TESC: variants seen among roughly 807,000 people sequenced by gnomAD.
TESC encodes tescalcin.
TESC carries 19 observed loss-of-function variants against 31.0 expected under a neutral mutation model. The ratio of observed to expected loss-of-function variants is 0.61; its 90% CI spans 0.43 to 0.90. The LOEUF (loss-of-function observed/expected upper bound fraction) is 0.90. Ranked by LOEUF, TESC falls within the 40% of genes least tolerant of loss-of-function variation. The pLI is 0.00. For synonymous variants in TESC, 109 were observed against 114.8 expected (o/e 0.95, Z 0.32); for missense variants, 248 against 303.8 (o/e 0.82, Z 1.36).
chr12:117,095,030 A>AAG (rs1555233986), intron 1 of TESC, among the ~76,000 whole-genome samples: 41 of 139,810 alleles, frequency 2.9e-4, no homozygotes, highest in South Asian at 2.0e-3. Flanking sequence ...AAAAAAAAAA[A>AAG]AGAGAGAGAG....
chr12:117,072,363 G>C (rs1004830666), intron 2 of TESC, among the ~76,000 whole-genome samples: 1 of 152,108 alleles, frequency 6.6e-6, no homozygotes, highest in Non-Finnish European at 1.5e-5. Flanking sequence ...GATTATAGTC[G>C]TGAGTCACAG....
Position 117,075,893 on chromosome 12 carries a change from A to G in TESC, c.59-553T>C, listed in dbSNP as rs796726735. On this transcript the variant is annotated intron_variant, in intron 1 of 7. Coordinates refer to ENST00000335209, the MANE Select transcript of TESC (RefSeq NM_017899.4). Reference sequence around the variant, plus strand: ...TATGTGTGTATATATATATATATATATATATATATATATATATATATGTGT... The same window carrying G: ...TATGTGTGTATATATATATATATATGTATATATATATATATATATATGTGT... Among the ~76,000 whole-genome samples, 632 of 82,122 alleles carry G rather than the reference A, an allele frequency of 7.7e-3. 25 individuals carry two copies. The highest frequency in any genetic ancestry group is 0.025 in the South Asian group (67 of 2,710). The allele number at this position is 82,122 out of a possible 152,430, so 53.9% of individuals were successfully genotyped here. A position where few individuals can be genotyped will look rare whatever the true frequency, so the allele number is the denominator to read the frequency against.
chr12:117,063,954 T>C (rs1387382065), intron 2 of TESC, among the ~76,000 whole-genome samples: 1 of 152,206 alleles, frequency 6.6e-6, no homozygotes, highest in Non-Finnish European at 1.5e-5. Context: ...ACTCCAGACC[T>C]ACTGAATCAA....
Position 117,099,352 on chromosome 12 carries a change from G to A in TESC, c.-70C>T, listed in dbSNP as rs1023208156. 79 of 1,334,146 alleles carry A rather than the reference G, an allele frequency of 5.9e-5. 1 individual carries two copies. In the East Asian group the frequency reaches 2.2e-3, roughly 38 times the overall value. 82.6% of individuals were successfully genotyped at this position (1,334,146 alleles called of 1,614,324 possible). ...CCGCACTGGCTTCGGCTGCGCAGCG[G>A]CGGGACTGGCCTCGGGTCCGGCCTC... On this transcript the variant is annotated 5_prime_UTR_variant, in exon 1 of 8. Coordinates refer to ENST00000335209, the MANE Select transcript of TESC (RefSeq NM_017899.4).
intron 2 of TESC, 136 bp from the exon 3 acceptor site, chr12:117,057,022 C>G: frequency 1.2e-6 from 1 of 806,018 alleles, no homozygotes; most frequent in East Asian, 2.6e-5. Flanking sequence ...AGTTAGGAGA[C>G]AGAACTGGAA....
intron 2 of TESC, among the ~76,000 whole-genome samples, chr12:117,071,766 G>A (rs868076680): frequency 6.6e-6 from 1 of 152,164 alleles, no homozygotes; most frequent in African/African-American, 2.4e-5. Context: ...GCCTGGGCAG[G>A]TGAGGCCTGG....
intron 7 of TESC, among the ~76,000 whole-genome samples, chr12:117,041,490 G>A (rs1056891050): frequency 2.0e-5 from 3 of 152,024 alleles, no homozygotes; most frequent in African/African-American, 7.2e-5. Context: ...CTGCCACCAC[G>A]CTTGGCTAAG....
intron 1 of TESC, chr12:117,084,007 T>C (rs1955183084): frequency 6.7e-6 from 1 of 150,232 alleles, no homozygotes; most frequent in Non-Finnish European, 1.5e-5. Context: ...CGCAGGAGAA[T>C]CGTTTGAACC....
rs1331233106 is a variant in TESC at position 117,041,956 on chromosome 12, G to A, written c.558C>T (p.Asp186=). ...DQVYEGITFE[D]FLKIWQGIDI... is the part of the protein sequence containing the mutation. ...CGCCCAGGCCACCCACCTTCAGGAA[G>A]TCCTCGAAGGTGATCCCCTCGTACA... The change falls in exon 7 of 8, where the codon GAC becomes GAT. Residue 186 remains aspartate (D), a synonymous_variant. Transcript: ENST00000335209. 6.3e-7 allele frequency: 1 copy of A among 1,590,812 alleles called. No homozygotes were observed. Among genetic ancestry groups the A allele is most frequent in the Non-Finnish European group, 8.6e-7 (1 of 1,168,164 alleles).
chr12:117,077,428 T>C lies in TESC; in HGVS notation c.59-2088A>G, dbSNP rs542283728. 8.5e-5 allele frequency among the ~76,000 whole-genome samples: 13 copies of C among 152,362 alleles called. No individual in the cohort carries two copies. In the South Asian group the frequency reaches 1.9e-3, roughly 22 times the overall value. On this transcript the variant is annotated intron_variant, in intron 1 of 7. Transcript: ENST00000335209. ...CCTAGCAATTGCACTCCTAGGTATA[T>C]ACACAAATAACGCATACTTCTGTTC...
intron 6 of TESC, among the ~76,000 whole-genome samples, chr12:117,042,905 A>C (rs140506113): frequency 1.0e-3 from 156 of 152,286 alleles, no homozygotes; most frequent in South Asian, 4.4e-3. Context: ...TGTGGGAGTT[A>C]CTTATATCCT....
intron 1 of TESC, among the ~76,000 whole-genome samples, chr12:117,090,808 G>A (rs1301075395): frequency 6.6e-6 from 1 of 152,186 alleles, no homozygotes; most frequent in Admixed American, 6.5e-5. Flanking sequence ...TTTGCTCAGG[G>A]TTCTCTGATC....
intron 2 of TESC, among the ~76,000 whole-genome samples, chr12:117,063,223 G>C (rs1211046200): frequency 1.3e-5 from 2 of 152,162 alleles, no homozygotes; most frequent in East Asian, 3.9e-4. Flanking sequence ...CGGGACTCCA[G>C]CTCTGCCTCC....
chr12:117,043,397 T>C (rs1039551807), intron 6 of TESC, among the ~76,000 whole-genome samples: 7 of 152,174 alleles, frequency 4.6e-5, no homozygotes, highest in African/African-American at 1.4e-4. Flanking sequence ...ACTCTAAGCA[T>C]GTTATGCACC....
At position 117,076,480 on chromosome 12, in the gene TESC, T is replaced by G. The variant is rs1955075598; in HGVS notation, c.59-1140A>C. Among the ~76,000 whole-genome samples, 4 of 152,230 alleles carry G rather than the reference T, an allele frequency of 2.6e-5. No homozygotes were observed. In the South Asian group the frequency reaches 8.3e-4, roughly 31 times the overall value. On this transcript the variant is annotated intron_variant, in intron 1 of 7. Coordinates refer to ENST00000335209, the MANE Select transcript of TESC (RefSeq NM_017899.4). ...TTTGTTTTGAGACAGAGTCACACTC[T>G]GTCGCCCAGGCTAGAATGCAGTGGT...
chr12:117,099,127 G>T, intron 1 of TESC, 98 bp downstream of exon 1: 1 of 1,319,156 alleles, frequency 7.6e-7, no homozygotes, highest in Non-Finnish European at 9.9e-7. Context: ...CCCGCCACTG[G>T]CCCAAGGTCA....
At chr12:117,052,355 C>A (rs56314681) in intron 3 of TESC, among the ~76,000 whole-genome samples, 2,604 of 152,308 alleles carry the variant, frequency 0.017, 75 homozygotes, top group African/African-American at 0.058. Context: ...TTTCCAGCAT[C>A]TCCTCTGAAA....
intron 1 of TESC, among the ~76,000 whole-genome samples, chr12:117,094,038 T>C (rs1406208184): frequency 6.6e-6 from 1 of 152,032 alleles, no homozygotes; most frequent in African/African-American, 2.4e-5. Flanking sequence ...CAGGTCCCAC[T>C]TTGTACCTCG....
At chr12:117,063,483 G>A (rs546853518) in intron 2 of TESC, among the ~76,000 whole-genome samples, 1 of 152,086 alleles carries the variant, frequency 6.6e-6, no homozygotes, top group African/African-American at 2.4e-5. Flanking sequence ...CGTGGTGTGG[G>A]TTGGTTTCCG....
Sources: gnomAD v4.1 joint callset for allele counts (sites outside exome capture counted in the v4.1 genomes callset) on GRCh38, gnomAD v4.1.1 for gene constraint, MANE v1.5 for transcripts, NCBI Gene and HGNC (gene_info 2026-07-23, HGNC 2026-07-21) for gene names.